Variants in TCF20 observed in about 807,000 individuals in gnomAD.
The protein encoded by TCF20 is transcription factor 20.
A neutral mutation model predicts 148.6 loss-of-function variants in TCF20; 3 were observed. The observed-to-expected ratio is 0.02, with a 90% CI of 0.01 to 0.05. The LOEUF is 0.05. TCF20 is among the 10% of genes least tolerant of loss of function. The pLI, the probability that TCF20 is intolerant of heterozygous loss-of-function variation, is 1.00. For synonymous variants in TCF20, 1,049 were observed against 909.5 expected, an observed-to-expected ratio of 1.15 and a Z score of -2.76; for missense variants, 2,350 against 2,429.3, an observed-to-expected ratio of 0.97 and a Z score of 0.69.
At chr22:42,235,355 T>G (rs555598293) in intron 1 of TCF20, among the ~76,000 whole-genome samples, 2 of 152,284 alleles carry the variant, frequency 1.3e-5, no homozygotes, top group African/African-American at 2.4e-5. Flanking sequence ...AACTGGGGAC[T>G]TCTCTGATGT....
rs569445492 is a variant in TCF20 at position 42,266,927 on chromosome 22, G to T, written c.-37+3412C>A. On this transcript the variant is annotated intron_variant, in intron 1 of 5. Coordinates refer to ENST00000677622, the MANE Select transcript of TCF20 (RefSeq NM_001378418.1). ...AAATTTTATAACAATTTTTTCCCTTGTAAGTTTTATAAGACAAGTGTAATA... is the reference window on the plus strand; with the variant it reads ...AAATTTTATAACAATTTTTTCCCTTTTAAGTTTTATAAGACAAGTGTAATA... 1.1e-4 allele frequency among the ~76,000 whole-genome samples: 16 copies of T among 152,280 alleles called. No individual in the cohort carries two copies. The East Asian group carries it at 3.1e-3, about 29-fold the overall frequency.
At position 42,178,697 on chromosome 22, in the gene TCF20, C is replaced by T. The variant is rs1601531423; in HGVS notation, c.5749+912G>A. 3.4e-5 allele frequency among the ~76,000 whole-genome samples: 5 copies of T among 149,194 alleles called. No individual in the cohort carries two copies. In the South Asian group the frequency reaches 8.5e-4, roughly 25 times the overall value. On this transcript the variant is annotated intron_variant, in intron 3 of 5. Transcript: ENST00000677622. ...TCCCGGGTTCAAGTGATTCTCCTGC[C>T]TCAGACTCCCGAGTAGCTGGGACTA...
intron 2 of TCF20, among the ~76,000 whole-genome samples, chr22:42,202,471 A>AT (rs1365581646): frequency 1.3e-5 from 2 of 152,252 alleles, no homozygotes; most frequent in Non-Finnish European, 1.5e-5. Flanking sequence ...CAAGGAAACA[A>AT]CAAGTCCTGG....
chr22:42,212,574 G>C lies in TCF20; in HGVS notation c.2732C>G (p.Pro911Arg), dbSNP rs1400044584. ...GGTTTCCATGGACACCAAACCACCA[G>C]GAAGAATGACCGACTGACTTAAAGT... is the stretch of plus-strand genomic sequence containing the variant. ...NPTLSQSVILPGGLVSMETKL... is the reference protein window; with the variant it reads ...NPTLSQSVILRGGLVSMETKL... Residue 911 changes from proline (P) to arginine (R), a missense_variant, in exon 2 of 6, where the codon CCT becomes CGT. Physicochemically the swap from Pro to Arg is moderately radical, Grantham distance 103. Transcript: ENST00000677622. 1.2e-6 allele frequency: 2 copies of C among 1,614,056 alleles called. No individual in the cohort carries two copies. The highest frequency in any genetic ancestry group is 1.7e-6 in the Non-Finnish European group (2 of 1,179,908).
At chr22:42,318,236 C>T (rs1037377413) in intron 1 of TCF20, among the ~76,000 whole-genome samples, 1 of 152,230 alleles carries the variant, frequency 6.6e-6, no homozygotes, top group Non-Finnish European at 1.5e-5. Context: ...GCTGATGTCA[C>T]GCCGAGCTAT....
intron 1 of TCF20, among the ~76,000 whole-genome samples, chr22:42,242,224 A>AAAAAAAAAAAAAAAAAAAAAAAAC (rs1555942548): frequency 2.0e-5 from 3 of 147,580 alleles, no homozygotes; most frequent in African/African-American, 7.9e-5. Context: ...AAAAAAAAAA[A>AAAAAAAAAAAAAAAAAAAAAAAAC]AAACAGAAAA....
intron 5 of TCF20, among the ~76,000 whole-genome samples, chr22:42,162,326 A>T (rs1279454652): frequency 6.6e-6 from 1 of 152,064 alleles, no homozygotes; most frequent in Non-Finnish European, 1.5e-5. Context: ...ATGGCCTCTA[A>T]CAGGGAGGGC....
rs1313363412 is a variant in TCF20, at chr22:42,211,507, T to C, written c.3799A>G (p.Lys1267Glu). The C allele has an allele frequency of 1.2e-6, 2 of 1,614,068 alleles. No individual in the cohort carries two copies. The highest frequency in any genetic ancestry group is 2.7e-5 in the African/African-American group (2 of 74,920). Residue 1267 changes from lysine to glutamate, a missense_variant, in exon 2 of 6, where the codon AAG becomes GAG. Transcript: ENST00000677622. ...TTCTTTACATCTTGTGACTGTCTCT[T>C]ACTGGGAATGGGAGAGATAAAAGAA... The part of the protein sequence containing the change: ...VRSFISPIPS[K>E]RQSQDVKNSS...
chr22:42,288,942 G>A (rs1927084478), upstream of TCF20, among the ~76,000 whole-genome samples: 3 of 152,312 alleles, frequency 2.0e-5, 1 homozygote, highest in South Asian at 6.2e-4. Context: ...GTGCAAGCCT[G>A]GGCAGGCCTC....
At chr22:42,303,086 C>A (rs531846790) in intron 1 of TCF20, among the ~76,000 whole-genome samples, 11 of 152,304 alleles carry the variant, frequency 7.2e-5, no homozygotes, top group Admixed American at 2.0e-4. Context: ...CCCAACACAA[C>A]GCTCGGATAA....
chr22:42,191,445 C>T (rs1303856460), intron 2 of TCF20, among the ~76,000 whole-genome samples: 3 of 152,140 alleles, frequency 2.0e-5, no homozygotes, highest in South Asian at 2.1e-4. Context: ...CCCACCATCA[C>T]GTCCAGCTAA....
At chr22:42,192,546 C>T (rs1487627424) in intron 2 of TCF20, among the ~76,000 whole-genome samples, 1 of 152,184 alleles carries the variant, frequency 6.6e-6, no homozygotes, top group Non-Finnish European at 1.5e-5. Context: ...ACAGGACAGA[C>T]ACTGGAGGCT....
At chr22:42,257,541 C>T (rs1185986368) in intron 1 of TCF20, among the ~76,000 whole-genome samples, 1 of 152,148 alleles carries the variant, frequency 6.6e-6, no homozygotes, top group Admixed American at 6.5e-5. Flanking sequence ...AGAGCAGAGG[C>T]TCAGAGGCAA....
chr22:42,217,827 G>A (rs753811511), intron 1 of TCF20, among the ~76,000 whole-genome samples: 9 of 152,170 alleles, frequency 5.9e-5, no homozygotes, highest in Non-Finnish European at 1.3e-4. Flanking sequence ...AGTAAATATT[G>A]ATTAGAGCAG....
At chr22:42,318,803 A>G (rs569755378) in intron 1 of TCF20, among the ~76,000 whole-genome samples, 3 of 152,188 alleles carry the variant, frequency 2.0e-5, no homozygotes, top group Non-Finnish European at 4.4e-5. Context: ...TGCTGTTCAT[A>G]AGCAGGTCCC....
Position 42,214,322 on chromosome 22 carries a change from C to T in TCF20, c.984G>A (p.Val328=). ...PQQQQHPSQH[V]MQYTNAATKL... is the part of the protein sequence containing the mutation. ...TGGTGGCAGCGTTAGTATACTGCAT[C>T]ACATGCTGAGAAGGGTGTTGTTGTT... Residue 328 remains valine, a synonymous_variant, in exon 2 of 6, where the codon GTG becomes GTA. Coordinates refer to ENST00000677622, the MANE Select transcript of TCF20 (RefSeq NM_001378418.1). The T allele has an allele frequency of 6.2e-7, 1 of 1,614,254 alleles. No individual in the cohort carries two copies. The highest frequency in any genetic ancestry group is 8.5e-7 in the Non-Finnish European group (1 of 1,180,044).
At chr22:42,209,176 A>G (rs926269978) in intron 2 of TCF20, among the ~76,000 whole-genome samples, 3 of 152,156 alleles carry the variant, frequency 2.0e-5, no homozygotes, top group Admixed American at 6.6e-5. Flanking sequence ...GGATCTCAAC[A>G]TTTTTACACT....
chr22:42,332,201 G>C (rs1289210065), intron 1 of TCF20, among the ~76,000 whole-genome samples: 5 of 152,226 alleles, frequency 3.3e-5, no homozygotes, highest in African/African-American at 4.8e-5. Flanking sequence ...GGCCCTGCCT[G>C]GCAGAGGAGG....
At chr22:42,286,582 C>G (rs532581978), upstream of TCF20, among the ~76,000 whole-genome samples, 5 of 152,312 alleles carry the variant, frequency 3.3e-5, no homozygotes, top group South Asian at 1.0e-3. Flanking sequence ...AGTTAGCGGC[C>G]AGCAAGATTA....
Sources: gnomAD v4.1 joint callset for allele counts (sites outside exome capture counted in the v4.1 genomes callset) on GRCh38, gnomAD v4.1.1 for gene constraint, MANE v1.5 for transcripts, NCBI Gene and HGNC (gene_info 2026-07-23, HGNC 2026-07-21) for gene names.